The following NCAPD2 variants were observed in gnomAD, a reference collection of about 807,000 sequenced individuals.
The protein encoded by NCAPD2 is non-SMC condensin I complex subunit D2.
Under a neutral mutation model 164.5 loss-of-function variants are expected in NCAPD2, and 100 were observed. The observed-to-expected ratio is 0.61, with a 90% confidence interval of 0.52 to 0.72. The LOEUF (loss-of-function observed/expected upper bound fraction) is 0.72. Among genes scored for constraint, NCAPD2 ranks in the 30% least tolerant of loss-of-function variants. The pLI, the probability that NCAPD2 is intolerant of heterozygous loss-of-function variation, is 0.00. For missense variants in NCAPD2, 1,560 were observed against 1,749.2 expected (o/e 0.89, Z 1.93); for synonymous variants, 585 against 642.6 (o/e 0.91, Z 1.36).
At position 6,529,547 on chromosome 12, in the gene NCAPD2, A is replaced by G; in HGVS notation, c.3607A>G (p.Thr1203Ala). The G allele has an allele frequency of 6.2e-7, 1 of 1,614,094 alleles. No homozygotes were observed. Among genetic ancestry groups the G allele is most frequent in the Non-Finnish European group, 8.5e-7 (1 of 1,180,006 alleles). The change falls in exon 28 of 32, where the codon ACA (threonine) becomes GCA (alanine). Residue 1203 changes from threonine to alanine, a missense_variant. Thr to Ala is a moderately conservative substitution (Grantham distance 58). Coordinates refer to ENST00000315579, the MANE Select transcript of NCAPD2 (RefSeq NM_014865.4). ...LLSYITKDKQ[T>A]ESLVEKLCQR... is the part of the protein sequence containing the mutation. ...CTCCTACATCACCAAGGACAAGCAG[A>G]CAGAGAGCCTGGTGGAAAAGCTGTG... is the stretch of plus-strand genomic sequence containing the variant.
At chr12:6,518,504 G>GTTTTTGTTTTT (rs746627585) in intron 13 of NCAPD2, among the ~76,000 whole-genome samples, 1,001 of 44,848 alleles carry the variant, frequency 0.022, 196 homozygotes, top group Admixed American at 0.028. Context: ...CCGTCAACAA[G>GTTTTTGTTTTT]TTTTTTTTTT....
rs1224415080 is a variant in NCAPD2, at chr12:6,523,258, A to T, written c.2130-4A>T. On this transcript the variant is annotated splice_polypyrimidine_tract_variant and splice_region_variant and intron_variant, in intron 16 of 31. Transcript: ENST00000315579. The stretch of plus-strand genomic sequence containing the variant: ...GTGACCGCTGATCTCTGCTGTTCCC[A>T]CAGAGCCAAGGCCCAGGCTTTGATT... The T allele has an allele frequency of 1.2e-6, 2 of 1,613,816 alleles. No homozygotes were observed. The highest frequency in any genetic ancestry group is 1.7e-5 in the Admixed American group (1 of 60,018).
intron 21 of NCAPD2, 115 bp from the exon 22 acceptor site, chr12:6,526,776 A>T (rs1592177408): frequency 1.4e-6 from 2 of 1,425,168 alleles, no homozygotes; most frequent in East Asian, 4.6e-5. Flanking sequence ...AACTCTTACT[A>T]CTTCACTAGT....
chr12:6,528,932 C>T lies in NCAPD2; in HGVS notation c.3478-13C>T, dbSNP rs764616277. The T allele has an allele frequency of 6.2e-7, 1 of 1,613,948 alleles. No homozygotes were observed. Among genetic ancestry groups the T allele is most frequent in the Admixed American group, 1.7e-5 (1 of 60,008 alleles). On this transcript the variant is annotated splice_polypyrimidine_tract_variant and intron_variant, in intron 26 of 31. Coordinates refer to ENST00000315579, the MANE Select transcript of NCAPD2 (RefSeq NM_014865.4). This position sits in a 1 kb window ranked among gnomAD's most constrained non-coding sequence, Gnocchi z 5.1. ...CACCTCATCTCCTTAACATGGCTCTCTCTGTCTTACAGGGCAACGCAATCT... is the reference window on the plus strand; with the variant it reads ...CACCTCATCTCCTTAACATGGCTCTTTCTGTCTTACAGGGCAACGCAATCT...
At chr12:6,499,317 T>G (rs1946012714) in intron 2 of NCAPD2, among the ~76,000 whole-genome samples, 1 of 152,064 alleles carries the variant, frequency 6.6e-6, no homozygotes, top group Non-Finnish European at 1.5e-5. Context: ...GCTCAAGCAA[T>G]TCTCCTGCCT....
rs1203651851 is a variant in NCAPD2, at chr12:6,514,538, C to G, written c.790C>G (p.Leu264Val). Residue 264 changes from leucine (L) to valine (V), a missense_variant, in exon 8 of 32, where the codon CTA (leucine) becomes GTA (valine). By Grantham distance (32) the Leu-to-Val change is conservative. Transcript: ENST00000315579. ...ACCTGTACTGGTTGCAGCCGTGAGTCTATGGGCAACTGACTATGGAATGAA... is the reference window on the plus strand; with the variant it reads ...ACCTGTACTGGTTGCAGCCGTGAGTGTATGGGCAACTGACTATGGAATGAA... ...LAPVLVAAVS[L>V]WATDYGMKSI... 3.4e-5 allele frequency: 55 copies of G among 1,614,096 alleles called. No individual in the cohort carries two copies. Among genetic ancestry groups the G allele is most frequent in the Non-Finnish European group, 4.0e-5 (47 of 1,180,050 alleles).
intron 2 of NCAPD2, among the ~76,000 whole-genome samples, chr12:6,504,062 T>G (rs1392889717): frequency 3.3e-5 from 5 of 151,570 alleles, no homozygotes; most frequent in African/African-American, 9.7e-5. Flanking sequence ...CACTGTCATG[T>G]TGGGGATTAT....
At chr12:6,510,275 G>T (rs751941705) in intron 4 of NCAPD2, 142 bp downstream of exon 4, 1 of 962,114 alleles carries the variant, frequency 1.0e-6, no homozygotes, top group African/African-American at 1.6e-5. Context: ...CTAAGCCCAG[G>T]GACCTTTGGC....
chr12:6,514,942 A>G, intron 9 of NCAPD2, 22 bp downstream of exon 9: 2 of 1,613,290 alleles, frequency 1.2e-6, no homozygotes, highest in Non-Finnish European at 8.5e-7. Flanking sequence ...ACTAGGGGTC[A>G]CTGAGCTTTT....
intron 13 of NCAPD2, among the ~76,000 whole-genome samples, chr12:6,519,211 G>C (rs1160315049): frequency 1.3e-5 from 2 of 152,192 alleles, no homozygotes; most frequent in Admixed American, 1.3e-4. Flanking sequence ...TAGAAGGCTA[G>C]AGAGTGGCTT....
chr12:6,523,394 G>GTT, intron 17 of NCAPD2, 48 bp downstream of exon 17: 9 of 1,038,486 alleles, frequency 8.7e-6, no homozygotes, highest in Non-Finnish European at 1.2e-5. Context: ...CAAGTATTTT[G>GTT]GTTGTTTTTT....
intron 17 of NCAPD2, 52 bp downstream of exon 17, chr12:6,523,398 GTTTTT>G (rs3076239): frequency 1.7e-5 from 15 of 871,492 alleles, no homozygotes; most frequent in East Asian, 2.9e-5. Context: ...TATTTTGGTT[GTTTTT>G]TTTTTTTTTT....
At position 6,504,233 on chromosome 12, in the gene NCAPD2, A is replaced by G. The variant is rs574200700; in HGVS notation, c.128-5484A>G. Among the ~76,000 whole-genome samples the G allele has an allele frequency of 1.2e-3, 110 of 93,652 alleles. 2 individuals are homozygous for G. Among genetic ancestry groups the G allele is most frequent in the East Asian group, 6.8e-3 (14 of 2,062 alleles). 61.4% of individuals were successfully genotyped at this position (93,652 alleles called of 152,430 possible). Reference sequence around the variant, plus strand: ...TATATATATAGATATAGATATATATATATATATATACCATTGGTCCTTGAA... The same window carrying G: ...TATATATATAGATATAGATATATATGTATATATATACCATTGGTCCTTGAA... On this transcript the variant is annotated intron_variant, in intron 2 of 31. Transcript: ENST00000315579.
chr12:6,494,183 G>A (rs1945953262), intron 1 of NCAPD2, 29 bp downstream of exon 1: 1 of 152,306 alleles, frequency 6.6e-6, no homozygotes, highest in South Asian at 2.1e-4. Flanking sequence ...GGTCGTAAAA[G>A]AGTAGGAAAG....
At position 6,530,754 on chromosome 12, in the gene NCAPD2, A is replaced by C; in HGVS notation, c.3901A>C (p.Lys1301Gln). 6.2e-7 allele frequency: 1 copy of C among 1,614,226 alleles called. No homozygotes were observed. Among genetic ancestry groups the C allele is most frequent in the Non-Finnish European group, 8.5e-7 (1 of 1,180,044 alleles). ...TCATACCAGAGGTTTGGATGGAATC[A>C]AGGAGCTTGAGATTGGCCAAGCAGG... ...ACHTRGLDGIKELEIGQAGSQ... is the reference protein window; with the variant it reads ...ACHTRGLDGIQELEIGQAGSQ... Residue 1301 changes from lysine to glutamine, a missense_variant, in exon 30 of 32, where the codon AAG becomes CAG. Lys to Gln is a moderately conservative substitution (Grantham distance 53, BLOSUM62 1). Transcript: ENST00000315579.
chr12:6,528,931 T>G lies in NCAPD2; in HGVS notation c.3478-14T>G. On this transcript the variant is annotated splice_polypyrimidine_tract_variant and intron_variant, in intron 26 of 31. Coordinates refer to ENST00000315579, the MANE Select transcript of NCAPD2 (RefSeq NM_014865.4). This position sits in a 1 kb window ranked among gnomAD's most constrained non-coding sequence, Gnocchi z 5.1. ...TCACCTCATCTCCTTAACATGGCTC[T>G]CTCTGTCTTACAGGGCAACGCAATC... 1 of 1,613,842 alleles carries G rather than the reference T, an allele frequency of 6.2e-7. No individual in the cohort carries two copies. Among genetic ancestry groups the G allele is most frequent in the Non-Finnish European group, 8.5e-7 (1 of 1,179,732 alleles).
intron 15 of NCAPD2, 114 bp from the exon 16 acceptor site, chr12:6,522,712 CAG>C: frequency 2.6e-6 from 3 of 1,145,564 alleles, no homozygotes; most frequent in East Asian, 2.4e-5. Context: ...TCGACATTCT[CAG>C]GGAAAATGCG....
At chr12:6,524,362 C>T (rs924582704) in intron 17 of NCAPD2, among the ~76,000 whole-genome samples, 1 of 152,028 alleles carries the variant, frequency 6.6e-6, no homozygotes, top group Non-Finnish European at 1.5e-5. Flanking sequence ...TGGAAAAGAC[C>T]AGGCGCGATG....
At chr12:6,517,113 C>T in intron 10 of NCAPD2, 88 bp downstream of exon 10, 1 of 1,451,152 alleles carries the variant, frequency 6.9e-7, no homozygotes, top group East Asian at 2.3e-5. Context: ...AAATATCTGC[C>T]CCAAAGAGGT....
Sources: gnomAD v4.1 joint callset for allele counts (sites outside exome capture counted in the v4.1 genomes callset) on GRCh38, gnomAD v4.1.1 for gene constraint, Gnocchi (gnomAD v3.1) non-coding constraint, MANE v1.5 for transcripts, NCBI Gene and HGNC (gene_info 2026-07-23, HGNC 2026-07-21) for gene names.